The following KCNQ1 variants were observed in gnomAD, a reference collection of about 807,000 sequenced individuals.
KCNQ1 encodes the protein potassium voltage-gated channel subfamily Q member 1, also known as potassium voltage-gated channel subfamily KQT member 1.
A neutral mutation model predicts 72.4 loss-of-function variants in KCNQ1; 49 were observed. The ratio of observed to expected loss-of-function variants is 0.68; its 90% CI spans 0.54 to 0.86. The LOEUF is 0.86. Ranked by LOEUF, KCNQ1 falls within the 40% of genes least tolerant of loss-of-function variation. The probability of loss-of-function intolerance (pLI) is 0.00; values close to 1 mark genes in which losing one functional copy is unlikely to be tolerated. For missense variants in KCNQ1, 790 were observed against 945.1 expected, an observed-to-expected ratio of 0.84 and a Z score of 2.15; for synonymous variants, 450 against 412.6, an observed-to-expected ratio of 1.09 and a Z score of -1.10.
At chr11:2,528,622 G>T (rs1052513159) in intron 2 of KCNQ1, among the ~76,000 whole-genome samples, 2 of 152,238 alleles carry the variant, frequency 1.3e-5, no homozygotes, top group Non-Finnish European at 2.9e-5. Context: ...AGCCCACGGG[G>T]TCCCCACGGA....
Position 2,676,697 on chromosome 11 carries a change from C to T in KCNQ1, c.1514+14616C>T. On this transcript the variant is annotated intron_variant, in intron 11 of 15. Coordinates refer to ENST00000155840, the MANE Select transcript of KCNQ1 (RefSeq NM_000218.3). The surrounding 1 kb of genome is among the most constrained non-coding windows in gnomAD (Gnocchi z 4.2). ...CAAGGGAGCACTAACTGGACTACAG[C>T]CTGGCAGGAGATAACCAAGTCATAT... 2.5e-6 allele frequency: 1 copy of T among 398,624 alleles called. No homozygotes were observed. The highest frequency in any genetic ancestry group is 1.3e-4 in the South Asian group (1 of 7,858). The allele number at this position is 398,624 out of a possible 1,614,324, so 24.7% of individuals were successfully genotyped here.
In KCNQ1 at chr11:2,817,303, C is replaced by T. The variant is rs1847635350; in HGVS notation, c.1795-30464C>T. On this transcript the variant is annotated intron_variant, in intron 15 of 15. Coordinates refer to ENST00000155840, the MANE Select transcript of KCNQ1 (RefSeq NM_000218.3). The surrounding 1 kb of genome is among the most constrained non-coding windows in gnomAD (Gnocchi z 6.1). ...GTTTTTAACTACGTTGGACAGAACC[C>T]ACGGCGGCCCTTTCCGTGGCTTCAG... Among the ~76,000 whole-genome samples, 2 of 152,134 alleles carry T rather than the reference C, an allele frequency of 1.3e-5. No homozygotes were observed. Among genetic ancestry groups the T allele is most frequent in the Non-Finnish European group, 2.9e-5 (2 of 68,016 alleles).
Position 2,632,869 on chromosome 11 carries a change from G to T in KCNQ1, c.1394-29092G>T, listed in dbSNP as rs540121917. ...TATCTTAACTGTTGTGAACAGTACT[G>T]CAATAAACATGAGAATGCAAATATC... is the stretch of plus-strand genomic sequence containing the variant. On this transcript the variant is annotated intron_variant, in intron 10 of 15. Transcript: ENST00000155840. 6.5e-5 allele frequency: 26 copies of T among 398,394 alleles called. 1 individual carries two copies. In the South Asian group the frequency reaches 3.3e-3, roughly 51 times the overall value. The allele number at this position is 398,394 out of a possible 1,614,324, so 24.7% of individuals were successfully genotyped here. A position where few individuals can be genotyped will look rare whatever the true frequency, so the allele number is the denominator to read the frequency against.
chr11:2,521,534 G>C lies in KCNQ1; in HGVS notation c.387-6394G>C, dbSNP rs528825731. 2.0e-4 allele frequency: 92 copies of C among 470,942 alleles called. No homozygotes were observed. Among genetic ancestry groups the C allele is most frequent in the African/African-American group, 1.8e-3 (91 of 50,220 alleles). 29.2% of individuals were successfully genotyped at this position (470,942 alleles called of 1,614,324 possible). ...GTGCAAAGTTCTGTGAAACGCTCCA[G>C]TGGTTACACGCCCCGGGGTTTCAGC... is the stretch of plus-strand genomic sequence containing the variant. On this transcript the variant is annotated intron_variant, in intron 1 of 15. Transcript: ENST00000155840.
In KCNQ1 at chr11:2,541,884, G is replaced by A. The variant is rs111550621; in HGVS notation, c.477+13866G>A. ...GTGGCTGGTCCTCGCATAGACATCAGCTAAGGGGGTTTGGGGGCCAGTCGG... is the reference window on the plus strand; with the variant it reads ...GTGGCTGGTCCTCGCATAGACATCAACTAAGGGGGTTTGGGGGCCAGTCGG... On this transcript the variant is annotated intron_variant, in intron 2 of 15. Transcript: ENST00000155840. The surrounding 1 kb of genome is among the most constrained non-coding windows in gnomAD (Gnocchi z 4.8). 0.023 allele frequency among the ~76,000 whole-genome samples: 3,445 copies of A among 152,254 alleles called. 146 individuals carry two copies. Among genetic ancestry groups the A allele is most frequent in the African/African-American group, 0.077 (3,195 of 41,552 alleles).
intron 6 of KCNQ1, among the ~76,000 whole-genome samples, chr11:2,581,049 G>A (rs539021682): frequency 6.6e-6 from 1 of 152,352 alleles, no homozygotes; most frequent in South Asian, 2.1e-4. Flanking sequence ...GTAGGAATCA[G>A]CATGTTCATA....
Position 2,670,315 on chromosome 11 carries a change from C to A in KCNQ1, c.1514+8234C>A. On this transcript the variant is annotated intron_variant, in intron 11 of 15. Transcript: ENST00000155840. This position sits in a 1 kb window ranked among gnomAD's most constrained non-coding sequence, Gnocchi z 4.9. ...TAGGTGCCCAATGGAGAGATAATCT[C>A]AAATATGGTAGCAGAGTTCAGACTC... is the stretch of plus-strand genomic sequence containing the variant. 1 of 398,526 alleles carries A rather than the reference C, an allele frequency of 2.5e-6. No individual in the cohort carries two copies. Among genetic ancestry groups the A allele is most frequent in the South Asian group, 1.3e-4 (1 of 7,844 alleles). The allele number at this position is 398,526 out of a possible 1,614,324, so 24.7% of individuals were successfully genotyped here.
At position 2,707,436 on chromosome 11, in the gene KCNQ1, C is replaced by T. The variant is rs117215336; in HGVS notation, c.1514+45355C>T. On this transcript the variant is annotated intron_variant, in intron 11 of 15. Coordinates refer to ENST00000155840, the MANE Select transcript of KCNQ1 (RefSeq NM_000218.3). ...CTGCCACCACTCTTCCAAGAGCCCT[C>T]CCTTTTGGGGACTGTGCCCCCACCC... Among the ~76,000 whole-genome samples, 452 of 152,328 alleles carry T rather than the reference C, an allele frequency of 3.0e-3. 3 individuals carry two copies. Among genetic ancestry groups the T allele is most frequent in the Non-Finnish European group, 4.3e-3 (293 of 68,024 alleles).
chr11:2,832,438 A>G (rs559766714), intron 15 of KCNQ1, among the ~76,000 whole-genome samples: 67 of 152,266 alleles, frequency 4.4e-4, no homozygotes, highest in African/African-American at 1.6e-3. Context: ...CATGGGGAGC[A>G]AGAGGAACCA....
chr11:2,650,287 A>G (rs1366146979), intron 10 of KCNQ1: 1 of 398,284 alleles, frequency 2.5e-6, no homozygotes, highest in Non-Finnish European at 4.4e-6. Flanking sequence ...TTGGAGAATT[A>G]TTGTGTTCTT....
Position 2,842,522 on chromosome 11 carries a change from C to T in KCNQ1, c.1795-5245C>T, listed in dbSNP as rs192930840. Reference sequence around the variant, plus strand: ...AGGGGCCTGGGGGTGCAGGCAGGTGCACTCCAACCCTTGGGCAGCCCAGAG... The same window carrying T: ...AGGGGCCTGGGGGTGCAGGCAGGTGTACTCCAACCCTTGGGCAGCCCAGAG... On this transcript the variant is annotated intron_variant, in intron 15 of 15. Coordinates refer to ENST00000155840, the MANE Select transcript of KCNQ1 (RefSeq NM_000218.3). 4.7e-3 allele frequency among the ~76,000 whole-genome samples: 710 copies of T among 152,308 alleles called. 4 individuals carry two copies. The highest frequency in any genetic ancestry group is 7.1e-3 in the Non-Finnish European group (480 of 68,002).
At chr11:2,797,713 C>G (rs1037503625) in intron 15 of KCNQ1, among the ~76,000 whole-genome samples, 9 of 152,160 alleles carry the variant, frequency 5.9e-5, no homozygotes, top group African/African-American at 2.2e-4. Context: ...CCATTCTGCC[C>G]CTTCTCAGGT....
chr11:2,513,359 A>T (rs1263896678), intron 1 of KCNQ1, among the ~76,000 whole-genome samples: 1 of 152,108 alleles, frequency 6.6e-6, no homozygotes, highest in African/African-American at 2.4e-5. Context: ...GACCCATGGG[A>T]CTTGAGGGTG....
chr11:2,788,871 T>G (rs1037089535), intron 15 of KCNQ1, among the ~76,000 whole-genome samples: 2 of 152,162 alleles, frequency 1.3e-5, no homozygotes, highest in South Asian at 4.1e-4. Flanking sequence ...ACCCTGTTCC[T>G]GCACAGGGGT....
chr11:2,684,183 G>T (rs1369479183), intron 11 of KCNQ1: 2 of 398,498 alleles, frequency 5.0e-6, no homozygotes, highest in East Asian at 7.1e-5. Flanking sequence ...GCGCCCACTG[G>T]GGCTTGGTCA....
Position 2,612,418 on chromosome 11 carries a change from C to A in KCNQ1, c.1393+23564C>A, listed in dbSNP as rs984948967. The A allele has an allele frequency of 2.5e-6, 1 of 398,438 alleles. No individual in the cohort carries two copies. Among genetic ancestry groups the A allele is most frequent in the African/African-American group, 2.1e-5 (1 of 48,596 alleles). 24.7% of individuals were successfully genotyped at this position (398,438 alleles called of 1,614,324 possible). ...CTATATTATGGTATCCAATGGGTAT[C>A]TCTTCATTTTTCTTCATTATTTTTC... On this transcript the variant is annotated intron_variant, in intron 10 of 15. Coordinates refer to ENST00000155840, the MANE Select transcript of KCNQ1 (RefSeq NM_000218.3). The surrounding 1 kb of genome is among the most constrained non-coding windows in gnomAD (Gnocchi z 5.5).
In KCNQ1 at chr11:2,447,367, C is replaced by T. The variant is rs1215202466; in HGVS notation, c.386+1883C>T. ...TGAAGTGGCCAGATCTGGGGCTGGT[C>T]CTTTCCAGTTCTGGGTCCTGTCCTT... On this transcript the variant is annotated intron_variant, in intron 1 of 15. Transcript: ENST00000155840. The surrounding 1 kb of genome is among the most constrained non-coding windows in gnomAD (Gnocchi z 7.6). 6.6e-6 allele frequency among the ~76,000 whole-genome samples: 1 copy of T among 152,116 alleles called. No homozygotes were observed. The highest frequency in any genetic ancestry group is 1.5e-5 in the Non-Finnish European group (1 of 68,022).
At chr11:2,519,871 C>A (rs949215091) in intron 1 of KCNQ1, among the ~76,000 whole-genome samples, 1 of 152,068 alleles carries the variant, frequency 6.6e-6, no homozygotes, top group Admixed American at 6.5e-5. Flanking sequence ...TCCCGAGAGG[C>A]GTGATTGCAT....
In KCNQ1 at chr11:2,752,277, G is replaced by A. The variant is rs995376369; in HGVS notation, c.1515-16567G>A. Among the ~76,000 whole-genome samples the A allele has an allele frequency of 2.2e-4, 33 of 152,312 alleles. No homozygotes were observed. Among genetic ancestry groups the A allele is most frequent in the African/African-American group, 7.0e-4 (29 of 41,554 alleles). ...TGAGTGGCTTCCATGGAGCTGATCT[G>A]AACCCAGCTGAGTGGCTTCCATGGA... On this transcript the variant is annotated intron_variant, in intron 11 of 15. Coordinates refer to ENST00000155840, the MANE Select transcript of KCNQ1 (RefSeq NM_000218.3). The surrounding 1 kb of genome is among the most constrained non-coding windows in gnomAD (Gnocchi z 5.2).
Sources: allele counts gnomAD v4.1 joint callset (sites outside exome capture counted in the v4.1 genomes callset), GRCh38; gene constraint gnomAD v4.1.1; non-coding constraint Gnocchi (gnomAD v3.1); transcripts MANE v1.5; gene names NCBI Gene and HGNC (gene_info 2026-07-23, HGNC 2026-07-21).